Variants in DSC2 observed in about 807,000 individuals in gnomAD.
The protein encoded by DSC2 is desmocollin-2.
In DSC2, 51 loss-of-function variants were observed where a neutral mutation model predicts 87.6. The ratio of observed to expected loss-of-function variants is 0.58; its 90% CI spans 0.46 to 0.74. The LOEUF (loss-of-function observed/expected upper bound fraction) is 0.74. DSC2 is among the 30% of genes least tolerant of loss of function. The pLI is 0.00. For synonymous variants in DSC2, 383 were observed against 393.2 expected (o/e 0.97, Z 0.31); for missense variants, 1,066 against 1,089.5 (o/e 0.98, Z 0.30).
intron 3 of DSC2, chr18:31,091,450 C>CA: frequency 3.9e-6 from 2 of 511,596 alleles, no homozygotes; most frequent in South Asian, 3.1e-5. Flanking sequence ...CATTGCCATG[C>CA]AAAAACATGG....
rs193166213 is a variant in DSC2, at chr18:31,087,583, C to T, written c.775+86G>A. ...GTCCCTTATTCTTGCTGCTGGGATACGCTGCTTCTCAACGGACATAGTGAA... is the reference window on the plus strand; with the variant it reads ...GTCCCTTATTCTTGCTGCTGGGATATGCTGCTTCTCAACGGACATAGTGAA... On this transcript the variant is annotated intron_variant, in intron 6 of 15. Coordinates refer to ENST00000280904, the MANE Select transcript of DSC2 (RefSeq NM_024422.6). The T allele has an allele frequency of 2.1e-4, 302 of 1,446,528 alleles. 1 individual carries two copies. In the African/African-American group the frequency reaches 3.1e-3, roughly 15 times the overall value. 89.6% of individuals were successfully genotyped at this position (1,446,528 alleles called of 1,614,324 possible). A position where few individuals can be genotyped will look rare whatever the true frequency, so the allele number is the denominator to read the frequency against.
chr18:31,085,731 T>G (rs1987374193), intron 7 of DSC2, among the ~76,000 whole-genome samples: 1 of 151,846 alleles, frequency 6.6e-6, no homozygotes, highest in African/African-American at 2.4e-5. Flanking sequence ...GACTTAAGAA[T>G]CAAATAAAAT....
In DSC2 at chr18:31,067,266, A is replaced by C. The variant is rs1986654186; in HGVS notation, c.*749T>G. 6.7e-6 allele frequency: 1 copy of C among 149,206 alleles called. No individual in the cohort carries two copies. Among genetic ancestry groups the C allele is most frequent in the Admixed American group, 6.7e-5 (1 of 14,974 alleles). The allele number at this position is 149,206 out of a possible 1,614,324, so 9.2% of individuals were successfully genotyped here. On this transcript the variant is annotated 3_prime_UTR_variant, in exon 16 of 16. Coordinates refer to ENST00000280904, the MANE Select transcript of DSC2 (RefSeq NM_024422.6). ...TATGGAAATTAAAAAAAAAAAAAAA[A>C]CTGGAGAGAGAAACAGAAAGAGACA... is the stretch of plus-strand genomic sequence containing the variant.
intron 4 of DSC2, among the ~76,000 whole-genome samples, chr18:31,090,144 T>C (rs745801490): frequency 3.3e-5 from 5 of 152,206 alleles, no homozygotes; most frequent in African/African-American, 4.8e-5. Context: ...ATTCTGATCC[T>C]TGATTCGAAA....
Position 31,068,187 on chromosome 18 carries a change from T to C in DSC2, c.2534A>G (p.Glu845Gly). The change falls in exon 16 of 16, where the codon GAA (glutamate) becomes GGA (glycine). Residue 845 changes from glutamate to glycine, a missense_variant. By Grantham distance (98) the Glu-to-Gly change is moderately conservative (BLOSUM62 -2). Coordinates refer to ENST00000280904, the MANE Select transcript of DSC2 (RefSeq NM_024422.6). ...GEKVYLCNQD[E>G]NHKHAQDYVL... ...ATAGTCTTGGGCATGCTTGTGATTT[T>C]CATCTTGATTACACAGATACACTTT... 6.2e-7 allele frequency: 1 copy of C among 1,614,104 alleles called. No individual in the cohort carries two copies. The highest frequency in any genetic ancestry group is 8.5e-7 in the Non-Finnish European group (1 of 1,180,000).
intron 3 of DSC2, 32 bp from the exon 4 acceptor site, chr18:31,091,179 G>C: frequency 6.2e-7 from 1 of 1,611,132 alleles, no homozygotes; most frequent in Non-Finnish European, 8.5e-7. Context: ...AAATAATAAA[G>C]TCAATGACTA....
In DSC2 at chr18:31,102,029, C is replaced by A; in HGVS notation, c.-58G>T. On this transcript the variant is annotated 5_prime_UTR_variant, in exon 1 of 16. Coordinates refer to ENST00000280904, the MANE Select transcript of DSC2 (RefSeq NM_024422.6). ...GTCGGGCCGGGGTAGGAGGGCTCCG[C>A]GGGGCGAGGGCCGCGGCCGGAGCGC... is the stretch of plus-strand genomic sequence containing the variant. 1 of 1,364,744 alleles carries A rather than the reference C, an allele frequency of 7.3e-7. No individual in the cohort carries two copies. The highest frequency in any genetic ancestry group is 9.5e-7 in the Non-Finnish European group (1 of 1,054,614). The allele number at this position is 1,364,744 out of a possible 1,614,324, so 84.5% of individuals were successfully genotyped here.
At position 31,091,133 on chromosome 18, in the gene DSC2, T is replaced by C. The variant is rs375769339; in HGVS notation, c.369A>G (p.Arg123=). 6.8e-6 allele frequency: 11 copies of C among 1,613,846 alleles called. No homozygotes were observed. The South Asian group carries it at 1.1e-4, about 16-fold the overall frequency. Residue 123 remains arginine, a synonymous_variant, in exon 4 of 16, where the codon AGA becomes AGG. Transcript: ENST00000280904. ...GCCTTAGAACTTTTTCTTTAGTATG[T>C]CTTTTCTTTAGGACCTCAATTCATA... ...LEHQTKVLKK[R]HTKEKVLRRA...
chr18:31,089,476 GTACAA>G lies in DSC2; in HGVS notation c.588_592del (p.Cys197SerfsTer6). 6.2e-7 allele frequency: 1 copy of G among 1,613,834 alleles called. No homozygotes were observed. The highest frequency in any genetic ancestry group is 8.5e-7 in the Non-Finnish European group (1 of 1,179,870). On this transcript the variant is annotated frameshift_variant, in exon 5 of 16. Transcript: ENST00000280904. LOFTEE classifies it high-confidence loss of function. ...ATACTGCTCACGATCTACAGGACGA[GTACAA>G]TACAAGTTTCCAGTGTCTCTCTCCA...
chr18:31,059,355 T>C lies in DSC2; in HGVS notation c.*8660A>G, dbSNP rs1166396104. ...TGCATAACAAATTACTGACGACAAA[T>C]CCTAAGTGCGTTAAAGTAAAATTTT... On this transcript the variant is annotated 3_prime_UTR_variant, in exon 16 of 16. Transcript: ENST00000280904. 2 of 152,170 alleles carry C rather than the reference T, an allele frequency of 1.3e-5. No individual in the cohort carries two copies. The highest frequency in any genetic ancestry group is 4.8e-5 in the African/African-American group (2 of 41,450). 9.4% of individuals were successfully genotyped at this position (152,170 alleles called of 1,614,324 possible). A position where few individuals can be genotyped will look rare whatever the true frequency, so the allele number is the denominator to read the frequency against.
intron 5 of DSC2, among the ~76,000 whole-genome samples, chr18:31,088,681 G>T (rs1007558878): frequency 1.3e-5 from 2 of 152,090 alleles, no homozygotes; most frequent in Non-Finnish European, 1.5e-5. Flanking sequence ...TCCAGCATAG[G>T]AAATTAACCA....
rs1986740232 is a variant in DSC2, at chr18:31,069,121, C to T, written c.2281G>A (p.Val761Met). The change falls in exon 15 of 16, where the codon GTG becomes ATG. Residue 761 changes from valine (V) to methionine (M), a missense_variant. By Grantham distance (21) the Val-to-Met change is conservative (BLOSUM62 1). Coordinates refer to ENST00000280904, the MANE Select transcript of DSC2 (RefSeq NM_024422.6). ...YSANGFTTQT[V>M]GASAQGVCGT... ...CAAACTCCCTGAGCAGAAGCGCCCA[C>T]AGTTTGGGTTGTGAAGCCATTCGCA... The T allele has an allele frequency of 6.2e-7, 1 of 1,614,006 alleles. No homozygotes were observed. Among genetic ancestry groups the T allele is most frequent in the Non-Finnish European group, 8.5e-7 (1 of 1,180,016 alleles).
At chr18:31,100,298 A>C (rs1987896239) in intron 1 of DSC2, among the ~76,000 whole-genome samples, 1 of 152,198 alleles carries the variant, frequency 6.6e-6, no homozygotes, top group African/African-American at 2.4e-5. Context: ...TCCTAAACAG[A>C]ATCTGAGATA....
In DSC2 at chr18:31,074,916, A is replaced by C; in HGVS notation, c.1664-9T>G. 1.2e-6 allele frequency: 2 copies of C among 1,607,892 alleles called. No individual in the cohort carries two copies. Among genetic ancestry groups the C allele is most frequent in the Non-Finnish European group, 1.7e-6 (2 of 1,176,546 alleles). On this transcript the variant is annotated splice_polypyrimidine_tract_variant and intron_variant, in intron 11 of 15. Transcript: ENST00000280904. ...CGTACATGTTCTCCCTCCTAGAAAAATGAAAATAAAAATAGTTTTTCTATG... is the reference window on the plus strand; with the variant it reads ...CGTACATGTTCTCCCTCCTAGAAAACTGAAAATAAAAATAGTTTTTCTATG...
chr18:31,071,780 T>G lies in DSC2; in HGVS notation c.1950A>C (p.Ile650=). 1.2e-6 allele frequency: 2 copies of G among 1,614,056 alleles called. No individual in the cohort carries two copies. The highest frequency in any genetic ancestry group is 1.7e-6 in the Non-Finnish European group (2 of 1,179,966). ...DPPFGSYVVP[I]TVRDRLGMSS... ...ACATGCCAAGTCTATCTCTCACTGT[T>G]ATAGGTACTACATATGAGCCAAATG... The change falls in exon 13 of 16, where the codon ATA becomes ATC. Residue 650 remains isoleucine (I), a synonymous_variant. Coordinates refer to ENST00000280904, the MANE Select transcript of DSC2 (RefSeq NM_024422.6).
intron 7 of DSC2, 110 bp downstream of exon 7, chr18:31,086,466 G>C: frequency 1.5e-6 from 2 of 1,326,274 alleles, no homozygotes; most frequent in East Asian, 2.3e-5. Context: ...AAATAATAAT[G>C]TTTCTAAAAT....
chr18:31,092,576 A>T (rs1390254476), intron 2 of DSC2, among the ~76,000 whole-genome samples: 1 of 152,152 alleles, frequency 6.6e-6, no homozygotes, highest in Non-Finnish European at 1.5e-5. Context: ...ACCAAAACCA[A>T]AACAATTTTT....
At chr18:31,081,613 T>C (rs929676789) in intron 9 of DSC2, among the ~76,000 whole-genome samples, 1 of 152,206 alleles carries the variant, frequency 6.6e-6, no homozygotes, top group African/African-American at 2.4e-5. Flanking sequence ...GAAAACGGCA[T>C]AGACCCACTG....
Position 31,061,065 on chromosome 18 carries a change from T to G in DSC2, c.*6950A>C, listed in dbSNP as rs1463255451. On this transcript the variant is annotated 3_prime_UTR_variant, in exon 16 of 16. Coordinates refer to ENST00000280904, the MANE Select transcript of DSC2 (RefSeq NM_024422.6). ...AGAAAATGTATTGAAAAGTGAAGGC[T>G]TCTATACTTTTCCCCTACTAGCCTG... 1 of 152,232 alleles carries G rather than the reference T, an allele frequency of 6.6e-6. No homozygotes were observed. Among genetic ancestry groups the G allele is most frequent in the East Asian group, 1.9e-4 (1 of 5,202 alleles). 9.4% of individuals were successfully genotyped at this position (152,232 alleles called of 1,614,324 possible).
Sources: allele counts gnomAD v4.1 joint callset (sites outside exome capture counted in the v4.1 genomes callset), GRCh38; gene constraint gnomAD v4.1.1; transcripts MANE v1.5; gene names NCBI Gene and HGNC (gene_info 2026-07-23, HGNC 2026-07-21).